PCBP4: variants seen among roughly 807,000 people sequenced by gnomAD.
PCBP4 encodes the protein poly(rC) binding protein 4, also known as poly(rC)-binding protein 4.
PCBP4 carries 24 observed loss-of-function variants against 46.2 expected under a neutral mutation model. That is an observed-to-expected ratio of 0.52 (90% CI 0.38 to 0.73). The LOEUF is 0.73. Ranked by LOEUF, PCBP4 falls within the 30% of genes least tolerant of loss-of-function variation. The pLI is 0.00. For missense variants in PCBP4, 407 were observed against 537.0 expected, an observed-to-expected ratio of 0.76 and a Z score of 2.39; for synonymous variants, 203 against 224.4, an observed-to-expected ratio of 0.90 and a Z score of 0.85.
chr3:51,958,155 G>A lies in PCBP4; in HGVS notation c.1118C>T (p.Pro373Leu). 1 of 1,613,178 alleles carries A rather than the reference G, an allele frequency of 6.2e-7. No homozygotes were observed. Among genetic ancestry groups the A allele is most frequent in the South Asian group, 1.1e-5 (1 of 91,012 alleles). Reference protein sequence around the residue: ...MPFLALPPASPGPPPGLAAYT... With the variant: ...MPFLALPPASLGPPPGLAAYT... ...GGCCGCCAAGCCCGGCGGCGGCCCTGGGGAAGCAGGTGGTAAAGCCAAGAA... is the reference window on the plus strand; with the variant it reads ...GGCCGCCAAGCCCGGCGGCGGCCCTAGGGAAGCAGGTGGTAAAGCCAAGAA... Residue 373 changes from proline (P) to leucine (L), a missense_variant, in exon 14 of 14, where the codon CCA becomes CTA. Pro to Leu is a moderately conservative substitution (Grantham distance 98). Transcript: ENST00000461554. The surrounding 1 kb of genome is among the most constrained non-coding windows in gnomAD (Gnocchi z 5.4).
At chr3:51,962,271 T>C (rs1358546475) in intron 1 of PCBP4, among the ~76,000 whole-genome samples, 183 bp from the exon 2 acceptor site, 2 of 152,144 alleles carry the variant, frequency 1.3e-5, no homozygotes, top group Non-Finnish European at 2.9e-5. Context: ...GCTGCGGGAA[T>C]GTCAAGGCCA....
At chr3:51,965,463 G>T (rs1700378717) in intron 1 of PCBP4, among the ~76,000 whole-genome samples, 1 of 152,214 alleles carries the variant, frequency 6.6e-6, no homozygotes, top group Non-Finnish European at 1.5e-5. Flanking sequence ...TTCCAAGTCA[G>T]ATGTGATCAC....
Position 51,959,339 on chromosome 3 carries a change from G to A in PCBP4, c.636+28C>T. 4 of 1,613,574 alleles carry A rather than the reference G, an allele frequency of 2.5e-6. No homozygotes were observed. The highest frequency in any genetic ancestry group is 1.3e-5 in the African/African-American group (1 of 75,038). Reference sequence around the variant, plus strand: ...GGTCAGAGGAGGCATGGTTCAGGAAGGGGTGCCTTGGGCTATGGGTCACTC... The same window carrying A: ...GGTCAGAGGAGGCATGGTTCAGGAAAGGGTGCCTTGGGCTATGGGTCACTC... On this transcript the variant is annotated intron_variant, in intron 10 of 13. Transcript: ENST00000461554. This position sits in a 1 kb window ranked among gnomAD's most constrained non-coding sequence, Gnocchi z 5.6.
rs147226861 is a variant in PCBP4, at chr3:51,960,633, G to A, written c.148C>T (p.Arg50Trp). The A allele has an allele frequency of 5.0e-6, 8 of 1,613,000 alleles. No homozygotes were observed. Among genetic ancestry groups the A allele is most frequent in the African/African-American group, 1.3e-5 (1 of 74,910 alleles). The change falls in exon 6 of 14, where the codon CGG becomes TGG. Residue 50 changes from arginine (R) to tryptophan (W), a missense_variant. Coordinates refer to ENST00000461554, the MANE Select transcript of PCBP4 (RefSeq NM_001174100.2). This position sits in a 1 kb window ranked among gnomAD's most constrained non-coding sequence, Gnocchi z 5.0. ...VKRIREQSSARITISEGSCPE... is the reference protein window; with the variant it reads ...VKRIREQSSAWITISEGSCPE... ...CAGGAGCCCTCGGAGATGGTGATCC[G>A]GGCACTGCTCTGCAGATATAGAATG...
Position 51,960,558 on chromosome 3 carries a change from C to T in PCBP4, c.223G>A (p.Ala75Thr), listed in dbSNP as rs1486321221. Residue 75 changes from alanine (A) to threonine (T), a missense_variant, in exon 6 of 14, where the codon GCA becomes ACA. Transcript: ENST00000461554. This position sits in a 1 kb window ranked among gnomAD's most constrained non-coding sequence, Gnocchi z 5.0. ...AGTTTGAAAGCAATCATGGAGACTG[C>T]ATGGAAGACAGCTGCTGTAGACCCG... is the stretch of plus-strand genomic sequence containing the variant. ...ITGSTAAVFH[A>T]VSMIAFKLDE... 6.2e-7 allele frequency: 1 copy of T among 1,613,898 alleles called. No homozygotes were observed. Among genetic ancestry groups the T allele is most frequent in the African/African-American group, 1.3e-5 (1 of 74,942 alleles).
Position 51,958,359 on chromosome 3 carries a change from G to A in PCBP4, c.924-10C>T. The A allele has an allele frequency of 1.4e-6, 2 of 1,468,748 alleles. No individual in the cohort carries two copies. Among genetic ancestry groups the A allele is most frequent in the Non-Finnish European group, 1.8e-6 (2 of 1,109,670 alleles). The allele number at this position is 1,468,748 out of a possible 1,614,324, so 91.0% of individuals were successfully genotyped here. A position where few individuals can be genotyped will look rare whatever the true frequency, so the allele number is the denominator to read the frequency against. On this transcript the variant is annotated splice_polypyrimidine_tract_variant and intron_variant, in intron 13 of 13. Coordinates refer to ENST00000461554, the MANE Select transcript of PCBP4 (RefSeq NM_001174100.2). This position sits in a 1 kb window ranked among gnomAD's most constrained non-coding sequence, Gnocchi z 5.4. ...CTTGGCCGTCTCTAGACTGGAGAGA[G>A]GGATATAGAGGGGAGACAAAGGGGA...
At chr3:51,962,496 G>A (rs911923968) in intron 1 of PCBP4, among the ~76,000 whole-genome samples, 1 of 152,160 alleles carries the variant, frequency 6.6e-6, no homozygotes, top group Non-Finnish European at 1.5e-5. Context: ...ACAGGGAGTG[G>A]GACCAACTGG....
At chr3:51,964,650 TG>T (rs1700332113) in intron 1 of PCBP4, among the ~76,000 whole-genome samples, 2 of 152,020 alleles carry the variant, frequency 1.3e-5, no homozygotes, top group Admixed American at 6.6e-5. Context: ...CAGGGTGTGG[TG>T]GGGGTGGACC....
Position 51,961,150 on chromosome 3 carries a change from T to TCC in PCBP4, c.81+8_81+9dup. On this transcript the variant is annotated intron_variant, in intron 3 of 13. Coordinates refer to ENST00000461554, the MANE Select transcript of PCBP4 (RefSeq NM_001174100.2). The stretch of plus-strand genomic sequence containing the variant: ...GCCTTGCCTCGCCTGGCCCTCCACC[T>TCC]CCCGCTCACCTTCCCGTGCATCAGC... 6.2e-7 allele frequency: 1 copy of TCC among 1,613,578 alleles called. No individual in the cohort carries two copies. Among genetic ancestry groups the TCC allele is most frequent in the Non-Finnish European group, 8.5e-7 (1 of 1,179,928 alleles).
rs1290239018 is a variant in PCBP4, at chr3:51,958,693, CAG to C, written c.923+95_923+96del. 3 of 1,395,106 alleles carry C rather than the reference CAG, an allele frequency of 2.2e-6. No homozygotes were observed. The highest frequency in any genetic ancestry group is 2.0e-6 in the Non-Finnish European group (2 of 1,024,322). The allele number at this position is 1,395,106 out of a possible 1,614,324, so 86.4% of individuals were successfully genotyped here. The stretch of plus-strand genomic sequence containing the variant: ...AGGAGAGGCAGAGGTCGGGCCCAGA[CAG>C]AGAGAGGAGGCCAGCTTCCTCTCCC... On this transcript the variant is annotated intron_variant, in intron 13 of 13. Transcript: ENST00000461554. The surrounding 1 kb of genome is among the most constrained non-coding windows in gnomAD (Gnocchi z 5.4).
At position 51,960,417 on chromosome 3, in the gene PCBP4, C is replaced by T. The variant is rs1421237494; in HGVS notation, c.256-97G>A. On this transcript the variant is annotated intron_variant, in intron 6 of 13. Coordinates refer to ENST00000461554, the MANE Select transcript of PCBP4 (RefSeq NM_001174100.2). The surrounding 1 kb of genome is among the most constrained non-coding windows in gnomAD (Gnocchi z 5.0). ...TTTCCCCAGTCCCACTTCAAGGGAA[C>T]ACTGCCCTGGGCTTGACCTCCCCTC... 1.3e-6 allele frequency: 2 copies of T among 1,571,962 alleles called. No homozygotes were observed. Among genetic ancestry groups the T allele is most frequent in the Admixed American group, 3.4e-5 (2 of 58,878 alleles).
chr3:51,960,182 C>T lies in PCBP4; in HGVS notation c.387+7G>A. Reference sequence around the variant, plus strand: ...ATTCCCTGTGGGTGGTATATCTCGCCCCTCACCTCTCGGATCTCCTTGATC... The same window carrying T: ...ATTCCCTGTGGGTGGTATATCTCGCTCCTCACCTCTCGGATCTCCTTGATC... On this transcript the variant is annotated splice_region_variant and intron_variant, in intron 7 of 13. Transcript: ENST00000461554. This position sits in a 1 kb window ranked among gnomAD's most constrained non-coding sequence, Gnocchi z 5.0. 5 of 1,614,094 alleles carry T rather than the reference C, an allele frequency of 3.1e-6. No individual in the cohort carries two copies. Among genetic ancestry groups the T allele is most frequent in the Non-Finnish European group, 4.2e-6 (5 of 1,180,026 alleles).
chr3:51,959,233 C>T lies in PCBP4; in HGVS notation c.696G>A (p.Val232=). The stretch of plus-strand genomic sequence containing the variant: ...CCTTGTGCAGGGGTGGCTTACCTGG[C>T]ACCACGCTGGGTGTGGCAAAGGGGA... ...HAVPFATPSV[V]PGLDPGTQTS... is the part of the protein sequence containing the mutation. Residue 232 remains valine, a synonymous_variant, in exon 11 of 14, where the codon GTG becomes GTA. Transcript: ENST00000461554. This position sits in a 1 kb window ranked among gnomAD's most constrained non-coding sequence, Gnocchi z 5.6. 1.2e-6 allele frequency: 2 copies of T among 1,613,984 alleles called. No homozygotes were observed. Among genetic ancestry groups the T allele is most frequent in the Non-Finnish European group, 1.7e-6 (2 of 1,179,956 alleles).
Position 51,960,886 on chromosome 3 carries a change from C to T in PCBP4, c.118G>A (p.Val40Ile), listed in dbSNP as rs768808518. The T allele has an allele frequency of 2.5e-6, 4 of 1,612,796 alleles. No individual in the cohort carries two copies. Among genetic ancestry groups the T allele is most frequent in the South Asian group, 2.2e-5 (2 of 91,070 alleles). ...CTCACCTGCTCCCGGATTCGCTTTACAGTCTCGCCCTTCTGTGGGAGGTAC... is the reference window on the plus strand; with the variant it reads ...CTCACCTGCTCCCGGATTCGCTTTATAGTCTCGCCCTTCTGTGGGAGGTAC... Reference protein sequence around the residue: ...GSIIGKKGETVKRIREQSSAR... With the variant: ...GSIIGKKGETIKRIREQSSAR... The change falls in exon 5 of 14, where the codon GTA becomes ATA. Residue 40 changes from valine (V) to isoleucine (I), a missense_variant. Val to Ile is a conservative substitution (Grantham distance 29). Coordinates refer to ENST00000461554, the MANE Select transcript of PCBP4 (RefSeq NM_001174100.2). This position sits in a 1 kb window ranked among gnomAD's most constrained non-coding sequence, Gnocchi z 5.0.
rs1700166800 is a variant in PCBP4, at chr3:51,961,309, C to T, written c.-64-5G>A. ...CGCGCTGCAACCTGGCCGGCTCTGG[C>T]AGGGGCAGCCAAAGAGGGGTTCGAG... On this transcript the variant is annotated splice_polypyrimidine_tract_variant and splice_region_variant and intron_variant, in intron 2 of 13. Coordinates refer to ENST00000461554, the MANE Select transcript of PCBP4 (RefSeq NM_001174100.2). 6.4e-6 allele frequency: 10 copies of T among 1,551,972 alleles called. No homozygotes were observed. In the South Asian group the frequency reaches 1.1e-4, roughly 16 times the overall value.
At chr3:51,965,922 T>G (rs1700398459) in intron 1 of PCBP4, among the ~76,000 whole-genome samples, 1 of 149,232 alleles carries the variant, frequency 6.7e-6, no homozygotes, top group Non-Finnish European at 1.5e-5. Context: ...GAAGAAGGGC[T>G]GGGGGGTGGG....
Position 51,960,262 on chromosome 3 carries a change from C to T in PCBP4, c.314G>A (p.Arg105His), listed in dbSNP as rs1008073492. 8 of 1,613,952 alleles carry T rather than the reference C, an allele frequency of 5.0e-6. No homozygotes were observed. Among genetic ancestry groups the T allele is most frequent in the Admixed American group, 1.7e-5 (1 of 59,998 alleles). Reference sequence around the variant, plus strand: ...ACACTGACTGGCAGGGATGACAAGGCGCAGGGTCACTGGAGGCCTGGAGAC... The same window carrying T: ...ACACTGACTGGCAGGGATGACAAGGTGCAGGGTCACTGGAGGCCTGGAGAC... Reference protein sequence around the residue: ...GNVSRPPVTLRLVIPASQCGS... With the variant: ...GNVSRPPVTLHLVIPASQCGS... The change falls in exon 7 of 14, where the codon CGC becomes CAC. Residue 105 changes from arginine (R) to histidine (H), a missense_variant. By Grantham distance (29) the Arg-to-His change is conservative. Coordinates refer to ENST00000461554, the MANE Select transcript of PCBP4 (RefSeq NM_001174100.2). This position sits in a 1 kb window ranked among gnomAD's most constrained non-coding sequence, Gnocchi z 5.0.
At position 51,958,681 on chromosome 3, in the gene PCBP4, G is replaced by A; in HGVS notation, c.923+109C>T. The A allele has an allele frequency of 7.9e-7, 1 of 1,267,816 alleles. No homozygotes were observed. The highest frequency in any genetic ancestry group is 1.1e-6 in the Non-Finnish European group (1 of 920,946). 78.5% of individuals were successfully genotyped at this position (1,267,816 alleles called of 1,614,324 possible). On this transcript the variant is annotated intron_variant, in intron 13 of 13. Coordinates refer to ENST00000461554, the MANE Select transcript of PCBP4 (RefSeq NM_001174100.2). This position sits in a 1 kb window ranked among gnomAD's most constrained non-coding sequence, Gnocchi z 5.4. The stretch of plus-strand genomic sequence containing the variant: ...TGGAGTAGGGTTAGGAGAGGCAGAG[G>A]TCGGGCCCAGACAGAGAGAGGAGGC...
At chr3:51,967,091 G>A (rs917950975) in intron 1 of PCBP4, among the ~76,000 whole-genome samples, 4 of 152,098 alleles carry the variant, frequency 2.6e-5, no homozygotes, top group South Asian at 2.1e-4. Context: ...GAGTGGGATG[G>A]GGGCCTCAAA....
Sources: gnomAD v4.1 joint callset for allele counts (sites outside exome capture counted in the v4.1 genomes callset) on GRCh38, gnomAD v4.1.1 for gene constraint, Gnocchi (gnomAD v3.1) non-coding constraint, MANE v1.5 for transcripts, NCBI Gene and HGNC (gene_info 2026-07-23, HGNC 2026-07-21) for gene names.